NRG3: variants seen among roughly 807,000 people sequenced by gnomAD.
NRG3 encodes the protein pro-neuregulin-3, membrane-bound isoform.
A neutral mutation model predicts 66.9 loss-of-function variants in NRG3; 31 were observed. That is an observed-to-expected ratio of 0.46 (90% confidence interval 0.35 to 0.63). The LOEUF (loss-of-function observed/expected upper bound fraction) is 0.63, where lower values mean the gene tolerates loss of function less well. Ranked by LOEUF, NRG3 falls within the 20% of genes least tolerant of loss-of-function variation. The probability of loss-of-function intolerance (pLI) is 0.00; values close to 1 mark genes in which losing one functional copy is unlikely to be tolerated. For synonymous variants in NRG3, 393 were observed against 359.4 expected, an observed-to-expected ratio of 1.09 and a Z score of -1.06; for missense variants, 910 against 878.9, an observed-to-expected ratio of 1.04 and a Z score of -0.45.
rs572672527 is a variant in NRG3 at position 81,925,426 on chromosome 10, A to G, written c.823+49263A>G. Among the ~76,000 whole-genome samples, 20 of 152,340 alleles carry G rather than the reference A, an allele frequency of 1.3e-4. No individual in the cohort carries two copies. The South Asian group carries it at 3.9e-3, about 30-fold the overall frequency. ...CTGCATTTCCAAGACCTAACATGGCATGATGTGGAAGCAATAGATATGTAT... is the reference window on the plus strand; with the variant it reads ...CTGCATTTCCAAGACCTAACATGGCGTGATGTGGAAGCAATAGATATGTAT... On this transcript the variant is annotated intron_variant, in intron 1 of 8. Coordinates refer to ENST00000372141, the MANE Select transcript of NRG3 (RefSeq NM_001010848.4).
In NRG3 at chr10:82,771,175, C is replaced by A. The variant is rs568530558; in HGVS notation, c.1027+32525C>A. On this transcript the variant is annotated intron_variant, in intron 3 of 8. Coordinates refer to ENST00000372141, the MANE Select transcript of NRG3 (RefSeq NM_001010848.4). ...GTATAAATTTGTTATACTTTTATCA[C>A]CTTCCTTCTTAAACAAGTTACTAAT... 2.6e-5 allele frequency among the ~76,000 whole-genome samples: 4 copies of A among 152,104 alleles called. No homozygotes were observed. The East Asian group carries it at 5.8e-4, about 22-fold the overall frequency.
intron 1 of NRG3, among the ~76,000 whole-genome samples, chr10:82,193,931 G>C (rs1034821458): frequency 2.0e-5 from 3 of 152,140 alleles, no homozygotes; most frequent in African/African-American, 7.2e-5. Flanking sequence ...AAACAGAAGA[G>C]ATCTCAGGAT....
chr10:82,022,091 A>T (rs78058291), intron 1 of NRG3, among the ~76,000 whole-genome samples: 3,028 of 152,014 alleles, frequency 0.02, 121 homozygotes, highest in East Asian at 0.14. Flanking sequence ...TTAAAATTTT[A>T]TTGAGCACAT....
intron 1 of NRG3, among the ~76,000 whole-genome samples, chr10:82,022,266 A>G (rs2062098774): frequency 6.6e-6 from 1 of 152,068 alleles, no homozygotes; most frequent in Admixed American, 6.6e-5. Flanking sequence ...AGTAGGCAGG[A>G]ATAGCTTACT....
At chr10:81,936,769 C>A (rs1335283252) in intron 1 of NRG3, among the ~76,000 whole-genome samples, 1 of 152,024 alleles carries the variant, frequency 6.6e-6, no homozygotes, top group African/African-American at 2.4e-5. Context: ...CCCTCCACAT[C>A]TGTTCTAGGC....
chr10:82,578,215 A>G (rs2046145457), intron 2 of NRG3, among the ~76,000 whole-genome samples: 1 of 151,108 alleles, frequency 6.6e-6, no homozygotes, highest in African/African-American at 2.4e-5. Flanking sequence ...TTGATTTAGA[A>G]TAAAAAATGT....
At position 82,973,798 on chromosome 10, in the gene NRG3, T is replaced by A; in HGVS notation, c.1295T>A (p.Val432Glu). Residue 432 changes from valine to glutamate, a missense_variant, in exon 7 of 9, where the codon GTG becomes GAG. Physicochemically the swap from Val to Glu is moderately radical, Grantham distance 121. Coordinates refer to ENST00000372141, the MANE Select transcript of NRG3 (RefSeq NM_001010848.4). Reference sequence around the variant, plus strand: ...TGTGATTTCCCACAGTATTCAAAGGTGGAAAGGCATCCTGTGACTGCATTG... The same window carrying A: ...TGTGATTTCCCACAGTATTCAAAGGAGGAAAGGCATCCTGTGACTGCATTG... ...SHVQLQNYSK[V>E]ERHPVTALEK... 6.2e-7 allele frequency: 1 copy of A among 1,613,980 alleles called. No homozygotes were observed. The highest frequency in any genetic ancestry group is 2.2e-5 in the East Asian group (1 of 44,872).
At chr10:82,832,889 G>T (rs1006340732) in intron 3 of NRG3, among the ~76,000 whole-genome samples, 1 of 151,772 alleles carries the variant, frequency 6.6e-6, no homozygotes, top group Admixed American at 6.6e-5. Context: ...TCACATCAAA[G>T]TCCACAGTAC....
At chr10:82,590,821 G>C (rs2046942192) in intron 2 of NRG3, among the ~76,000 whole-genome samples, 1 of 152,160 alleles carries the variant, frequency 6.6e-6, no homozygotes, top group Non-Finnish European at 1.5e-5. Flanking sequence ...GAATTGCCAA[G>C]GTGTTGGGTG....
intron 2 of NRG3, among the ~76,000 whole-genome samples, chr10:82,478,236 T>G (rs200338594): frequency 1.0e-4 from 2 of 19,934 alleles, no homozygotes; most frequent in Non-Finnish European, 2.5e-4. Flanking sequence ...TCACTCTTTT[T>G]TTTTTTTTTT....
intron 1 of NRG3, among the ~76,000 whole-genome samples, chr10:81,924,812 C>T (rs1846612939): frequency 6.6e-6 from 1 of 151,750 alleles, no homozygotes; most frequent in African/African-American, 2.4e-5. Flanking sequence ...ACAATGTGTA[C>T]AGTTACTGTT....
intron 2 of NRG3, among the ~76,000 whole-genome samples, chr10:82,511,832 G>T (rs532322833): frequency 6.6e-6 from 1 of 151,062 alleles, no homozygotes; most frequent in Admixed American, 6.6e-5. Flanking sequence ...AGCTTCTCTC[G>T]TGTCTACTTT....
intron 4 of NRG3, among the ~76,000 whole-genome samples, chr10:82,885,019 A>G (rs900218952): frequency 6.6e-6 from 1 of 152,234 alleles, no homozygotes; most frequent in Non-Finnish European, 1.5e-5. Flanking sequence ...TGTTTGCTGT[A>G]GAAATGGAAT....
chr10:82,051,883 G>C (rs1375134321), intron 1 of NRG3, among the ~76,000 whole-genome samples: 1 of 152,080 alleles, frequency 6.6e-6, no homozygotes, highest in Non-Finnish European at 1.5e-5. Context: ...TTCTCATCCA[G>C]ATTATGGCAA....
At chr10:82,230,110 T>C (rs1443856620) in intron 1 of NRG3, 1 of 152,214 alleles carries the variant, frequency 6.6e-6, no homozygotes, top group African/African-American at 2.4e-5. Flanking sequence ...TGAAGAAGTT[T>C]TGAGAATAAA....
At chr10:82,290,079 C>A (rs2079638662) in intron 1 of NRG3, among the ~76,000 whole-genome samples, 2 of 152,176 alleles carry the variant, frequency 1.3e-5, no homozygotes, top group African/African-American at 4.8e-5. Flanking sequence ...TACAAACTCC[C>A]CCTTCCTCAC....
intron 1 of NRG3, among the ~76,000 whole-genome samples, chr10:82,132,729 T>C (rs2069020849): frequency 6.6e-6 from 1 of 151,216 alleles, no homozygotes; most frequent in Non-Finnish European, 1.5e-5. Flanking sequence ...GCGATACTTT[T>C]TATTACAGCT....
chr10:82,573,291 G>A (rs2133135504), intron 2 of NRG3, among the ~76,000 whole-genome samples: 1 of 151,798 alleles, frequency 6.6e-6, no homozygotes, highest in South Asian at 2.1e-4. Context: ...CAGTCTAAAT[G>A]GAGTCCTGAC....
intron 1 of NRG3, among the ~76,000 whole-genome samples, chr10:82,358,204 A>G (rs926199255): frequency 6.6e-6 from 1 of 152,232 alleles, no homozygotes; most frequent in African/African-American, 2.4e-5. Context: ...CAGAATTTAG[A>G]ACATTTGCAT....
Sources: gnomAD v4.1 joint callset for allele counts (sites outside exome capture counted in the v4.1 genomes callset) on GRCh38, gnomAD v4.1.1 for gene constraint, MANE v1.5 for transcripts, NCBI Gene and HGNC (gene_info 2026-07-23, HGNC 2026-07-21) for gene names.